GABRB1: variants seen among roughly 807,000 people sequenced by gnomAD.
GABRB1 encodes the protein gamma-aminobutyric acid receptor subunit beta-1.
A neutral mutation model predicts 51.6 loss-of-function variants in GABRB1; 17 were observed. That is an observed-to-expected ratio of 0.33 (90% CI 0.23 to 0.49). GABRB1 has a LOEUF of 0.49. Ranked by LOEUF, GABRB1 falls within the 20% of genes least tolerant of loss-of-function variation. The pLI is 0.99. For missense variants in GABRB1, 410 were observed against 600.6 expected (o/e 0.68, Z 3.32); for synonymous variants, 247 against 218.9 (o/e 1.13, Z -1.14).
chr4:47,040,158 A>T (rs1471848507), intron 3 of GABRB1, among the ~76,000 whole-genome samples: 1 of 152,206 alleles, frequency 6.6e-6, no homozygotes, highest in African/African-American at 2.4e-5. Context: ...ACATGCAAAC[A>T]GATAAAGAAG....
At chr4:47,031,406 C>A (rs1385830413), upstream of GABRB1, 7 of 545,272 alleles carry the variant, frequency 1.3e-5, no homozygotes, top group Admixed American at 3.3e-5. Flanking sequence ...GGATCCCCTG[C>A]GTGGAAACAG....
chr4:47,043,745 G>A (rs1361085067), intron 3 of GABRB1, among the ~76,000 whole-genome samples: 1 of 152,054 alleles, frequency 6.6e-6, no homozygotes, highest in Non-Finnish European at 1.5e-5. Flanking sequence ...TAACTAGTGA[G>A]CACCTGCAGA....
intron 4 of GABRB1, among the ~76,000 whole-genome samples, chr4:47,181,938 T>C (rs1718966401): frequency 6.6e-6 from 1 of 152,008 alleles, no homozygotes; most frequent in Non-Finnish European, 1.5e-5. Flanking sequence ...TGCTCAAAGA[T>C]ACTTAGTTAA....
intron 3 of GABRB1, among the ~76,000 whole-genome samples, chr4:47,065,021 A>G (rs540930580): frequency 2.6e-5 from 4 of 152,314 alleles, no homozygotes; most frequent in African/African-American, 9.6e-5. Context: ...ATTTAATTGG[A>G]AAATACACAG....
intron 3 of GABRB1, among the ~76,000 whole-genome samples, chr4:47,114,431 A>G (rs2109634945): frequency 6.6e-6 from 1 of 152,044 alleles, no homozygotes; most frequent in Non-Finnish European, 1.5e-5. Context: ...GTATCAATAA[A>G]CCAGTGTGTT....
At chr4:47,027,017 A>G (rs148734912), upstream of GABRB1, among the ~76,000 whole-genome samples, 859 of 151,872 alleles carry the variant, frequency 5.7e-3, 10 homozygotes, top group African/African-American at 0.02. Flanking sequence ...ACCTCTTAAG[A>G]TATTATGAAC....
intron 5 of GABRB1, among the ~76,000 whole-genome samples, chr4:47,374,483 T>C (rs1727311630): frequency 6.6e-6 from 1 of 152,160 alleles, no homozygotes. Context: ...CTTGGGCCCA[T>C]GATGAACAGA....
At chr4:47,198,409 G>A (rs1023901430) in intron 4 of GABRB1, among the ~76,000 whole-genome samples, 5 of 152,188 alleles carry the variant, frequency 3.3e-5, no homozygotes, top group South Asian at 2.1e-4. Context: ...CAGAAAAGGC[G>A]TAGATTGTCT....
At chr4:47,140,903 T>C (rs1240457988) in intron 3 of GABRB1, among the ~76,000 whole-genome samples, 1 of 151,938 alleles carries the variant, frequency 6.6e-6, no homozygotes, top group Non-Finnish European at 1.5e-5. Flanking sequence ...TTAGCAGTTG[T>C]CTATATATTT....
At chr4:47,235,164 C>T (rs1721282059) in intron 4 of GABRB1, among the ~76,000 whole-genome samples, 2 of 152,194 alleles carry the variant, frequency 1.3e-5, no homozygotes, top group African/African-American at 4.8e-5. Flanking sequence ...ATTTCCATCT[C>T]ATCCACCCTT....
intron 5 of GABRB1, among the ~76,000 whole-genome samples, chr4:47,384,348 T>C (rs1727704349): frequency 6.6e-6 from 1 of 151,654 alleles, no homozygotes; most frequent in Non-Finnish European, 1.5e-5. Context: ...TTTCCAAAAA[T>C]GTGCTTTATT....
chr4:47,175,761 A>G (rs1228279520), intron 4 of GABRB1, among the ~76,000 whole-genome samples: 3 of 152,304 alleles, frequency 2.0e-5, no homozygotes, highest in South Asian at 2.1e-4. Flanking sequence ...AGATACACAC[A>G]TGAATGTTGT....
intron 4 of GABRB1, among the ~76,000 whole-genome samples, chr4:47,247,116 G>T: frequency 6.6e-6 from 1 of 151,990 alleles, no homozygotes; most frequent in African/African-American, 2.4e-5. Context: ...CATCTGGAAT[G>T]GTTTTTCCAT....
At chr4:47,037,275 A>T (rs1048548887) in intron 3 of GABRB1, among the ~76,000 whole-genome samples, 6 of 152,204 alleles carry the variant, frequency 3.9e-5, no homozygotes, top group African/African-American at 1.4e-4. Context: ...AATAGCCTAA[A>T]CATACTCTTG....
intron 4 of GABRB1, among the ~76,000 whole-genome samples, chr4:47,240,664 T>C (rs1193759832): frequency 1.3e-5 from 2 of 152,150 alleles, no homozygotes; most frequent in Admixed American, 1.3e-4. Context: ...GGCATAAGAA[T>C]ATACGGAAAG....
intron 3 of GABRB1, among the ~76,000 whole-genome samples, chr4:47,058,968 C>T (rs951714460): frequency 6.6e-5 from 10 of 152,168 alleles, no homozygotes; most frequent in Non-Finnish European, 1.5e-4. Flanking sequence ...ATAATCAATG[C>T]TGAAGTCCAT....
intron 4 of GABRB1, among the ~76,000 whole-genome samples, chr4:47,206,041 A>G (rs1230181374): frequency 6.7e-6 from 1 of 150,346 alleles, no homozygotes; most frequent in Non-Finnish European, 1.5e-5. Context: ...CGTTTGAGCC[A>G]TAGGTTCACA....
At chr4:47,263,790 A>T (rs937926326) in intron 4 of GABRB1, among the ~76,000 whole-genome samples, 18 of 152,184 alleles carry the variant, frequency 1.2e-4, no homozygotes, top group African/African-American at 4.3e-4. Flanking sequence ...GTATCTATAC[A>T]AATAGATAGT....
chr4:47,412,998 GGGTGAAAAAGGAAAGGGAAGAT>G (rs2110061118), intron 8 of GABRB1, among the ~76,000 whole-genome samples: 1 of 152,234 alleles, frequency 6.6e-6, no homozygotes, highest in African/African-American at 2.4e-5. Flanking sequence ...TACTGTACTC[GGGTGAAAAAGGAAAGGGAAGAT>G]GGAGCCTTCA....
Sources: gnomAD v4.1 joint callset for allele counts (sites outside exome capture counted in the v4.1 genomes callset) on GRCh38, gnomAD v4.1.1 for gene constraint, MANE v1.5 for transcripts, NCBI Gene and HGNC (gene_info 2026-07-23, HGNC 2026-07-21) for gene names.